GALNT7: variants seen among roughly 807,000 people sequenced by gnomAD.
GALNT7 encodes N-acetylgalactosaminyltransferase 7.
A neutral mutation model predicts 82.1 loss-of-function variants in GALNT7; 60 were observed. The ratio of observed to expected loss-of-function variants is 0.73; its 90% CI spans 0.59 to 0.91. The LOEUF is 0.91. Ranked by LOEUF, GALNT7 falls within the 40% of genes least tolerant of loss-of-function variation. The pLI is 0.00. For missense variants in GALNT7, 660 were observed against 804.2 expected, an observed-to-expected ratio of 0.82 and a Z score of 2.17; for synonymous variants, 243 against 275.1, an observed-to-expected ratio of 0.88 and a Z score of 1.15.
intron 2 of GALNT7, among the ~76,000 whole-genome samples, chr4:173,287,265 A>T (rs1228424129): frequency 1.3e-5 from 2 of 152,182 alleles, no homozygotes; most frequent in African/African-American, 4.8e-5. Context: ...CCATTTTCTG[A>T]TGCTATCATC....
At chr4:173,216,138 C>T (rs1171399686) in intron 1 of GALNT7, among the ~76,000 whole-genome samples, 1 of 152,040 alleles carries the variant, frequency 6.6e-6, no homozygotes, top group Non-Finnish European at 1.5e-5. Context: ...CACAAGCTGG[C>T]TTTAAAGTGA....
chr4:173,191,304 G>A (rs1252578018), intron 1 of GALNT7, among the ~76,000 whole-genome samples: 1 of 152,110 alleles, frequency 6.6e-6, no homozygotes, highest in Non-Finnish European at 1.5e-5. Flanking sequence ...GTAGGAGTAG[G>A]CTTGAATAAA....
intron 1 of GALNT7, among the ~76,000 whole-genome samples, chr4:173,178,047 GTGTGTGCGCGCA>G (rs1275632581): frequency 4.3e-3 from 483 of 113,130 alleles, no homozygotes; most frequent in African/African-American, 0.012. Context: ...GTGTGTGTGT[GTGTGTGCGCGCA>G]CGCGCGTGCG....
chr4:173,194,801 C>A (rs757298565), intron 1 of GALNT7, among the ~76,000 whole-genome samples: 2 of 152,144 alleles, frequency 1.3e-5, no homozygotes, highest in African/African-American at 2.4e-5. Context: ...TCCCCCACCC[C>A]ACAACAGGCC....
At chr4:173,312,520 G>A (rs1737425146) in intron 8 of GALNT7, among the ~76,000 whole-genome samples, 1 of 152,186 alleles carries the variant, frequency 6.6e-6, no homozygotes, top group African/African-American at 2.4e-5. Context: ...GGCCATTAAT[G>A]TATTAACAAC....
At position 173,168,924 on chromosome 4, in the gene GALNT7, C is replaced by G. The variant is rs1026594205; in HGVS notation, c.89C>G (p.Pro30Arg). 4 of 1,613,674 alleles carry G rather than the reference C, an allele frequency of 2.5e-6. No homozygotes were observed. The highest frequency in any genetic ancestry group is 1.1e-5 in the South Asian group (1 of 91,070). Residue 30 changes from proline (P) to arginine (R), a missense_variant, in exon 1 of 12, where the codon CCG (proline) becomes CGG (arginine). Pro to Arg is a moderately radical substitution (Grantham distance 103). This residue lies in a region of GALNT7 where 133 missense variants were observed against 120.7 expected (regional missense o/e 1.10). Coordinates refer to ENST00000265000, the MANE Select transcript of GALNT7 (RefSeq NM_017423.3). The stretch of plus-strand genomic sequence containing the variant: ...GTGGTCCTCTGGTCTTCCCTGACCC[C>G]GCGGCCGGACGACCCAAGCCCGCTG... ...GLVVLWSSLT[P>R]RPDDPSPLSR...
chr4:173,245,982 C>T (rs2126734974), intron 1 of GALNT7, among the ~76,000 whole-genome samples: 1 of 152,326 alleles, frequency 6.6e-6, no homozygotes, highest in East Asian at 1.9e-4. Flanking sequence ...CTGTACCACA[C>T]ATGCCTGAAG....
At chr4:173,314,292 G>C (rs1737511077) in intron 9 of GALNT7, 116 bp downstream of exon 9, 3 of 728,964 alleles carry the variant, frequency 4.1e-6, no homozygotes, top group South Asian at 1.7e-5. Context: ...GGTAAAAACT[G>C]TCTGATAGGA....
chr4:173,298,414 G>A lies in GALNT7; in HGVS notation c.1148+117G>A. 4 of 682,336 alleles carry A rather than the reference G, an allele frequency of 5.9e-6. No individual in the cohort carries two copies. The South Asian group carries it at 8.1e-5, about 14-fold the overall frequency. The allele number at this position is 682,336 out of a possible 1,614,324, so 42.3% of individuals were successfully genotyped here. ...GTAGATGTTGTCTCAGATTCTGAAA[G>A]AACATCTTTCCTTACACTGTTTCAG... On this transcript the variant is annotated intron_variant, in intron 6 of 11. Transcript: ENST00000265000.
At chr4:173,182,893 T>G (rs2126630170) in intron 1 of GALNT7, among the ~76,000 whole-genome samples, 1 of 141,786 alleles carries the variant, frequency 7.1e-6, no homozygotes, top group South Asian at 2.2e-4. Context: ...TAACCAAACC[T>G]TTGAATGATG....
At chr4:173,209,444 T>A (rs940019341) in intron 1 of GALNT7, among the ~76,000 whole-genome samples, 4 of 152,362 alleles carry the variant, frequency 2.6e-5, no homozygotes, top group Admixed American at 6.5e-5. Flanking sequence ...GGTCTAGGAC[T>A]GGAGAATGCA....
chr4:173,295,784 C>T lies in GALNT7; in HGVS notation c.906C>T (p.Ala302=). 1 of 1,608,210 alleles carries T rather than the reference C, an allele frequency of 6.2e-7. No homozygotes were observed. Residue 302 remains alanine, a synonymous_variant, in exon 5 of 12, where the codon GCC becomes GCT. Coordinates refer to ENST00000265000, the MANE Select transcript of GALNT7 (RefSeq NM_017423.3). The stretch of plus-strand genomic sequence containing the variant: ...TTAAGGTTTTGATATACCTTGATGC[C>T]CACTGTGAGGTGGCAGTTAACTGGT... ...KLGQVLIYLD[A]HCEVAVNWYA...
intron 1 of GALNT7, among the ~76,000 whole-genome samples, chr4:173,209,288 T>C (rs948555904): frequency 6.6e-6 from 1 of 152,242 alleles, no homozygotes; most frequent in African/African-American, 2.4e-5. Flanking sequence ...GAGTTTACTG[T>C]AGTATACACG....
intron 2 of GALNT7, among the ~76,000 whole-genome samples, chr4:173,269,433 C>T (rs1055445221): frequency 1.3e-5 from 2 of 152,072 alleles, no homozygotes; most frequent in African/African-American, 4.8e-5. Flanking sequence ...CCAAGGTGTA[C>T]CCAACAGAAG....
chr4:173,252,627 C>T (rs909894997), intron 2 of GALNT7, among the ~76,000 whole-genome samples: 5 of 152,148 alleles, frequency 3.3e-5, no homozygotes, highest in Non-Finnish European at 5.9e-5. Flanking sequence ...TTTGAGTGAA[C>T]TGGAGGCCTG....
intron 1 of GALNT7, among the ~76,000 whole-genome samples, chr4:173,170,235 A>G (rs1177684042): frequency 6.6e-6 from 1 of 152,102 alleles, no homozygotes; most frequent in Non-Finnish European, 1.5e-5. Flanking sequence ...GGGGCTCACG[A>G]CCGCCGAGGC....
chr4:173,185,575 T>G (rs1032246963), intron 1 of GALNT7, among the ~76,000 whole-genome samples: 2 of 152,198 alleles, frequency 1.3e-5, no homozygotes, highest in Non-Finnish European at 2.9e-5. Flanking sequence ...CTTCCTGTCC[T>G]AGGCAGTATA....
At chr4:173,232,545 A>C (rs893010524) in intron 1 of GALNT7, among the ~76,000 whole-genome samples, 1 of 151,182 alleles carries the variant, frequency 6.6e-6, no homozygotes, top group Non-Finnish European at 1.5e-5. Flanking sequence ...CAATCCTCCC[A>C]CCTCAGCCTT....
At chr4:173,307,418 G>C (rs1737201309) in intron 8 of GALNT7, among the ~76,000 whole-genome samples, 1 of 152,264 alleles carries the variant, frequency 6.6e-6, no homozygotes, top group African/African-American at 2.4e-5. Flanking sequence ...AAGAATGGGA[G>C]CACAGATGTG....
Sources: gnomAD v4.1 joint callset for allele counts (sites outside exome capture counted in the v4.1 genomes callset) on GRCh38, gnomAD v4.1.1 for gene constraint, gnomAD v4.1.1 regional missense constraint, MANE v1.5 for transcripts, NCBI Gene and HGNC (gene_info 2026-07-23, HGNC 2026-07-21) for gene names.